Variants in STX8 observed in about 807,000 individuals in gnomAD.
STX8 encodes the protein syntaxin 8.
In STX8, 23 loss-of-function variants were observed where a neutral mutation model predicts 37.5. The observed-to-expected ratio is 0.61, with a 90% CI of 0.44 to 0.87. The LOEUF (loss-of-function observed/expected upper bound fraction) is 0.87, where lower values mean the gene tolerates loss of function less well. STX8 is among the 40% of genes least tolerant of loss of function. The pLI is 0.00. For missense variants in STX8, 313 were observed against 284.7 expected (o/e 1.10, Z -0.71); for synonymous variants, 115 against 99.1 (o/e 1.16, Z -0.95).
chr17:9,552,418 A>C (rs1906801434), intron 3 of STX8, among the ~76,000 whole-genome samples: 1 of 152,152 alleles, frequency 6.6e-6, no homozygotes, highest in Non-Finnish European at 1.5e-5. Context: ...TATTTTTCTC[A>C]TGTTACCAAG....
intron 7 of STX8, among the ~76,000 whole-genome samples, chr17:9,315,617 T>C (rs1909358347): frequency 6.6e-6 from 1 of 152,232 alleles, no homozygotes; most frequent in South Asian, 2.1e-4. Context: ...TTAGCCAACC[T>C]GTTCAGCATA....
At chr17:9,481,118 C>T (rs1451977624) in intron 6 of STX8, among the ~76,000 whole-genome samples, 5 of 152,158 alleles carry the variant, frequency 3.3e-5, no homozygotes, top group Admixed American at 2.0e-4. Context: ...CTCCTGACCT[C>T]GTGATCCATC....
chr17:9,448,043 T>C (rs1360945688), intron 6 of STX8, among the ~76,000 whole-genome samples: 2 of 151,712 alleles, frequency 1.3e-5, no homozygotes, highest in African/African-American at 4.8e-5. Context: ...GGCATGGCGG[T>C]GTGCGCCTGT....
intron 7 of STX8, among the ~76,000 whole-genome samples, chr17:9,314,770 G>C (rs1909323284): frequency 6.6e-6 from 1 of 151,258 alleles, no homozygotes; most frequent in East Asian, 2.0e-4. Flanking sequence ...CGACTGAATG[G>C]ATTCCCCTTG....
intron 6 of STX8, among the ~76,000 whole-genome samples, chr17:9,448,933 AT>A (rs1163017744): frequency 6.6e-6 from 1 of 152,172 alleles, no homozygotes; most frequent in African/African-American, 2.4e-5. Context: ...TATTAAAAAA[AT>A]ATATATTACT....
chr17:9,458,643 A>G (rs1223027769), intron 6 of STX8, among the ~76,000 whole-genome samples: 1 of 152,182 alleles, frequency 6.6e-6, no homozygotes, highest in Non-Finnish European at 1.5e-5. Flanking sequence ...TTGTTCCTCA[A>G]AGAAATCCAG....
Position 9,575,782 on chromosome 17 carries a change from C to T in STX8, c.17+10G>A. ...CCCTCCACGCACCGCCGCCCTCACCCGGGACTCACCAGGGGTCCGGTGCCA... is the reference window on the plus strand; with the variant it reads ...CCCTCCACGCACCGCCGCCCTCACCTGGGACTCACCAGGGGTCCGGTGCCA... On this transcript the variant is annotated intron_variant, in intron 1 of 7. Transcript: ENST00000306357. 1 of 1,544,242 alleles carries T rather than the reference C, an allele frequency of 6.5e-7. No homozygotes were observed. The highest frequency in any genetic ancestry group is 8.7e-7 in the Non-Finnish European group (1 of 1,146,256).
At chr17:9,428,880 G>A (rs1480762794) in intron 6 of STX8, among the ~76,000 whole-genome samples, 1 of 152,134 alleles carries the variant, frequency 6.6e-6, no homozygotes, top group Non-Finnish European at 1.5e-5. Flanking sequence ...TACTATAGTG[G>A]ACAACACCGG....
chr17:9,253,028 AC>A lies in STX8; in HGVS notation c.644-2384del, dbSNP rs1455847080. Among the ~76,000 whole-genome samples the A allele has an allele frequency of 6.6e-5, 10 of 152,230 alleles. No homozygotes were observed. The East Asian group carries it at 1.7e-3, about 26-fold the overall frequency. On this transcript the variant is annotated intron_variant, in intron 7 of 7. Transcript: ENST00000306357. ...CTCTCCATCATCATGATGATGACCCACCTGCAGCATCAGTTCGCCCACTTAG... is the reference window on the plus strand; with the variant it reads ...CTCTCCATCATCATGATGATGACCCACTGCAGCATCAGTTCGCCCACTTAG...
chr17:9,436,344 C>T (rs1365802109), intron 6 of STX8, among the ~76,000 whole-genome samples: 1 of 127,334 alleles, frequency 7.9e-6, no homozygotes, highest in African/African-American at 3.1e-5. Flanking sequence ...AAGCCTCCAT[C>T]GCAAAAAAAA....
intron 6 of STX8, among the ~76,000 whole-genome samples, chr17:9,484,873 C>T (rs1320949784): frequency 6.6e-6 from 1 of 152,058 alleles, no homozygotes; most frequent in Non-Finnish European, 1.5e-5. Flanking sequence ...TCTGGTGCAA[C>T]TGATGAACTT....
At chr17:9,355,135 A>T (rs1293632979) in intron 7 of STX8, among the ~76,000 whole-genome samples, 1 of 151,948 alleles carries the variant, frequency 6.6e-6, no homozygotes, top group Non-Finnish European at 1.5e-5. Context: ...TTCATTTCTT[A>T]AGCTGGATAT....
At chr17:9,308,491 G>A (rs144944794) in intron 7 of STX8, among the ~76,000 whole-genome samples, 1,708 of 152,278 alleles carry the variant, frequency 0.011, 17 homozygotes, top group Non-Finnish European at 0.018. Flanking sequence ...TTGGGAGGCC[G>A]AGGTGGGTGG....
rs551344446 is a variant in STX8, at chr17:9,352,150, T to TA, written c.643+26401dup. On this transcript the variant is annotated intron_variant, in intron 7 of 7. Transcript: ENST00000306357. ...CTGGGTGACAGAGCAAGATCCTGCC[T>TA]AAAAAAAAAAAAAAAGAAAAACAAC... is the stretch of plus-strand genomic sequence containing the variant. Among the ~76,000 whole-genome samples the TA allele has an allele frequency of 3.8e-3, 422 of 111,060 alleles. 1 individual carries two copies. Among genetic ancestry groups the TA allele is most frequent in the Non-Finnish European group, 4.4e-3 (231 of 52,162 alleles). The allele number at this position is 111,060 out of a possible 152,430, so 72.9% of individuals were successfully genotyped here. A position where few individuals can be genotyped will look rare whatever the true frequency, so the allele number is the denominator to read the frequency against.
At chr17:9,418,836 A>T (rs1033517639) in intron 6 of STX8, among the ~76,000 whole-genome samples, 3 of 137,386 alleles carry the variant, frequency 2.2e-5, no homozygotes, top group African/African-American at 7.7e-5. Context: ...CAAAAAAAAA[A>T]AAAGGGGGGG....
intron 5 of STX8, among the ~76,000 whole-genome samples, chr17:9,496,681 G>C (rs1230777006): frequency 6.6e-6 from 1 of 152,104 alleles, no homozygotes; most frequent in South Asian, 2.1e-4. Context: ...AATCTGAGAC[G>C]GGGGATTAGC....
intron 6 of STX8, among the ~76,000 whole-genome samples, chr17:9,464,151 C>T (rs1353262693): frequency 6.6e-6 from 1 of 152,190 alleles, no homozygotes; most frequent in Non-Finnish European, 1.5e-5. Flanking sequence ...ACCATATATG[C>T]TCCACATCTT....
chr17:9,496,593 C>T (rs1012904167), intron 5 of STX8, among the ~76,000 whole-genome samples: 4 of 152,164 alleles, frequency 2.6e-5, no homozygotes, highest in African/African-American at 9.7e-5. Flanking sequence ...TTAAGATGTC[C>T]ATATCCTAAT....
At chr17:9,571,951 G>T (rs1395702369) in intron 1 of STX8, among the ~76,000 whole-genome samples, 2 of 151,852 alleles carry the variant, frequency 1.3e-5, no homozygotes, top group Non-Finnish European at 2.9e-5. Flanking sequence ...GGGTAGAGAT[G>T]AAACAAGAAT....
Sources: gnomAD v4.1 joint callset for allele counts (sites outside exome capture counted in the v4.1 genomes callset) on GRCh38, gnomAD v4.1.1 for gene constraint, MANE v1.5 for transcripts, NCBI Gene and HGNC (gene_info 2026-07-23, HGNC 2026-07-21) for gene names.